The following USP31 variants were observed in gnomAD, a reference collection of about 807,000 sequenced individuals.
USP31 encodes ubiquitin carboxyl-terminal hydrolase 31.
A neutral mutation model predicts 119.4 loss-of-function variants in USP31; 44 were observed. The ratio of observed to expected loss-of-function variants is 0.37; its 90% CI spans 0.29 to 0.47. The LOEUF is 0.47. USP31 is among the 20% of genes least tolerant of loss of function. USP31 has a pLI of 0.99. For missense variants in USP31, 1,643 were observed against 1,730.2 expected (o/e 0.95, Z 0.89); for synonymous variants, 749 against 705.6 (o/e 1.06, Z -0.97).
At chr16:23,070,663 G>A (rs79389173) in intron 15 of USP31, among the ~76,000 whole-genome samples, 34,833 of 151,366 alleles carry the variant, frequency 0.23, 4,780 homozygotes, top group Admixed American at 0.31. Flanking sequence ...GCAGTGAGCC[G>A]AGATCGCGCC....
chr16:23,141,219 C>A (rs372505230), intron 1 of USP31, among the ~76,000 whole-genome samples: 1 of 152,224 alleles, frequency 6.6e-6, no homozygotes, highest in East Asian at 1.9e-4. Context: ...CCATCCCGCT[C>A]TCCTCCTGGC....
rs535305973 is a variant in USP31, at chr16:23,083,750, A to T, written c.1830+1110T>A. On this transcript the variant is annotated intron_variant, in intron 11 of 15. Coordinates refer to ENST00000219689, the MANE Select transcript of USP31 (RefSeq NM_020718.4). Reference sequence around the variant, plus strand: ...AAAAACCCATGTCTTATGAAAAACTATTATTAAAGAAACTAGCTAAAAACA... The same window carrying T: ...AAAAACCCATGTCTTATGAAAAACTTTTATTAAAGAAACTAGCTAAAAACA... Among the ~76,000 whole-genome samples the T allele has an allele frequency of 4.7e-3, 679 of 143,116 alleles. 3 individuals are homozygous for T. The highest frequency in any genetic ancestry group is 0.018 in the Middle Eastern group (5 of 278). The allele number at this position is 143,116 out of a possible 152,430, so 93.9% of individuals were successfully genotyped here.
chr16:23,123,482 G>T (rs558927585), intron 1 of USP31, among the ~76,000 whole-genome samples: 6 of 152,142 alleles, frequency 3.9e-5, no homozygotes, highest in Non-Finnish European at 8.8e-5. Flanking sequence ...AGGATGCAGT[G>T]AGCCGAGATC....
chr16:23,062,699 T>A lies in USP31; in HGVS notation c.*5347A>T, dbSNP rs1716839915. 6.6e-6 allele frequency: 1 copy of A among 152,526 alleles called. No homozygotes were observed. The highest frequency in any genetic ancestry group is 6.5e-5 in the Admixed American group (1 of 15,280). The allele number at this position is 152,526 out of a possible 1,614,324, so 9.4% of individuals were successfully genotyped here. A position where few individuals can be genotyped will look rare whatever the true frequency, so the allele number is the denominator to read the frequency against. On this transcript the variant is annotated 3_prime_UTR_variant, in exon 16 of 16. Transcript: ENST00000219689. ...GCAAACCCCGCGGGGACACTCAGCCTGCTCCAGCAACTAAGACCACCAATT... is the reference window on the plus strand; with the variant it reads ...GCAAACCCCGCGGGGACACTCAGCCAGCTCCAGCAACTAAGACCACCAATT...
In USP31 at chr16:23,124,393, C is replaced by T. The variant is rs367787414; in HGVS notation, c.634-16210G>A. Among the ~76,000 whole-genome samples, 171 of 152,260 alleles carry T rather than the reference C, an allele frequency of 1.1e-3. 1 individual carries two copies. Among genetic ancestry groups the T allele is most frequent in the Non-Finnish European group, 1.7e-3 (114 of 68,020 alleles). ...AAGTAGTTACCTCAGAAGTCACTTA[C>T]GTAAAAGACTCATTCCCCAAAACGC... On this transcript the variant is annotated intron_variant, in intron 1 of 15. Transcript: ENST00000219689.
chr16:23,141,381 A>AT (rs35803209), intron 1 of USP31, among the ~76,000 whole-genome samples: 32,278 of 145,476 alleles, frequency 0.22, 3,683 homozygotes, highest in Admixed American at 0.3. Context: ...TTATACAATA[A>AT]TTTTTTTTTT....
At chr16:23,087,985 ACT>A in intron 7 of USP31, 150 bp from the exon 8 acceptor site, 1 of 667,606 alleles carries the variant, frequency 1.5e-6, no homozygotes, top group South Asian at 2.0e-5. Context: ...TTTAATGGTA[ACT>A]CTTCATAAGG....
intron 1 of USP31, among the ~76,000 whole-genome samples, chr16:23,112,596 A>T (rs189215555): frequency 0.01 from 1,513 of 146,354 alleles, 14 homozygotes; most frequent in Non-Finnish European, 0.013. Context: ...ATAATAATTT[A>T]AAAAAAAAAA....
chr16:23,082,081 C>A (rs1427004661), intron 12 of USP31, among the ~76,000 whole-genome samples: 2 of 152,206 alleles, frequency 1.3e-5, no homozygotes, highest in Non-Finnish European at 2.9e-5. Context: ...CCCAACCATA[C>A]AACAGCTTCT....
rs760081966 is a variant in USP31, at chr16:23,108,251, A to G, written c.634-68T>C. 2.6e-6 allele frequency: 4 copies of G among 1,523,672 alleles called. No individual in the cohort carries two copies. The Admixed American group carries it at 8.4e-5, about 32-fold the overall frequency. 94.4% of individuals were successfully genotyped at this position (1,523,672 alleles called of 1,614,324 possible). Reference sequence around the variant, plus strand: ...GGCTTTAAAGAAAAACTATTTATTCATAATCGCAAAAGGGATGCAAGATCT... The same window carrying G: ...GGCTTTAAAGAAAAACTATTTATTCGTAATCGCAAAAGGGATGCAAGATCT... On this transcript the variant is annotated intron_variant, in intron 1 of 15. Transcript: ENST00000219689.
intron 12 of USP31, 102 bp from the exon 13 acceptor site, chr16:23,080,273 G>T: frequency 1.0e-6 from 1 of 972,122 alleles, no homozygotes; most frequent in Non-Finnish European, 1.5e-6. Flanking sequence ...AGCGGTGTGA[G>T]TTACCTATCT....
At chr16:23,107,075 G>T (rs1312750786) in intron 2 of USP31, among the ~76,000 whole-genome samples, 1 of 151,082 alleles carries the variant, frequency 6.6e-6, no homozygotes, top group African/African-American at 2.4e-5. Context: ...CTGTGCCACT[G>T]CACTTCAGCC....
chr16:23,124,347 G>A (rs568383363), intron 1 of USP31, among the ~76,000 whole-genome samples: 1 of 152,284 alleles, frequency 6.6e-6, no homozygotes, highest in South Asian at 2.1e-4. Context: ...GGTTAAAATT[G>A]TAAGGATCTG....
chr16:23,118,888 G>A (rs1039304203), intron 1 of USP31, among the ~76,000 whole-genome samples: 2 of 151,684 alleles, frequency 1.3e-5, no homozygotes, highest in South Asian at 2.1e-4. Context: ...CAGGAGGATC[G>A]CTTGAACCCA....
At chr16:23,075,605 G>A (rs1284127076) in intron 13 of USP31, among the ~76,000 whole-genome samples, 5 of 152,064 alleles carry the variant, frequency 3.3e-5, no homozygotes, top group African/African-American at 7.2e-5. Context: ...TGATACTGCC[G>A]TGATATTTTT....
At chr16:23,083,595 T>TAA (rs755789724) in intron 11 of USP31, among the ~76,000 whole-genome samples, 4 of 98,844 alleles carry the variant, frequency 4.0e-5, no homozygotes, top group East Asian at 5.8e-4. Context: ...CCAAAGTCAT[T>TAA]AAAAAAAAAA....
rs1354330782 is a variant in USP31 at position 23,101,967 on chromosome 16, A to AT, written c.1234+351dup. ...TAGAATCTTAAGAGCTGATAGCAAA[A>AT]TTTAAAAAAAAAAAAAAAAAAAAAA... On this transcript the variant is annotated intron_variant, in intron 6 of 15. Transcript: ENST00000219689. Among the ~76,000 whole-genome samples the AT allele has an allele frequency of 5.2e-5, 7 of 135,892 alleles. No homozygotes were observed. The East Asian group carries it at 8.3e-4, about 16-fold the overall frequency. 89.2% of individuals were successfully genotyped at this position (135,892 alleles called of 152,430 possible).
rs886373307 is a variant in USP31, at chr16:23,063,772, TTTA to T, written c.*4271_*4273del. 5.3e-5 allele frequency: 8 copies of T among 152,118 alleles called. No individual in the cohort carries two copies. Among genetic ancestry groups the T allele is most frequent in the African/African-American group, 1.9e-4 (8 of 41,424 alleles). The allele number at this position is 152,118 out of a possible 1,614,324, so 9.4% of individuals were successfully genotyped here. ...GACTTAACATTTCATGTCTATATGT[TTTA>T]TTGTTTGCTTGCATAGGTAGTAAGA... On this transcript the variant is annotated 3_prime_UTR_variant, in exon 16 of 16. Coordinates refer to ENST00000219689, the MANE Select transcript of USP31 (RefSeq NM_020718.4).
chr16:23,130,411 C>T (rs1169411303), intron 1 of USP31, among the ~76,000 whole-genome samples: 2 of 65,208 alleles, frequency 3.1e-5, no homozygotes, highest in African/African-American at 1.3e-4. Flanking sequence ...CAAAGTGACA[C>T]CCCCCCCCCA....
Sources: allele counts gnomAD v4.1 joint callset (sites outside exome capture counted in the v4.1 genomes callset), GRCh38; gene constraint gnomAD v4.1.1; transcripts MANE v1.5; gene names NCBI Gene and HGNC (gene_info 2026-07-23, HGNC 2026-07-21).